The following CNNM2 variants were observed in gnomAD, a reference collection of about 807,000 sequenced individuals.
CNNM2 encodes cyclin and CBS domain divalent metal cation transport mediator 2.
CNNM2 carries 12 observed loss-of-function variants against 66.9 expected under a neutral mutation model. The ratio of observed to expected loss-of-function variants is 0.18; its 90% CI spans 0.11 to 0.29. The LOEUF (loss-of-function observed/expected upper bound fraction) is 0.29. Among genes scored for constraint, CNNM2 ranks in the 10% least tolerant of loss-of-function variants. The pLI, the probability that CNNM2 is intolerant of heterozygous loss-of-function variation, is 1.00. For missense variants in CNNM2, 705 were observed against 1,167.7 expected, an observed-to-expected ratio of 0.60 and a Z score of 5.77; for synonymous variants, 557 against 501.8, an observed-to-expected ratio of 1.11 and a Z score of -1.47.
rs748317260 is a variant in CNNM2, at chr10:103,056,747, TTC to T, written c.1904-40_1904-39del. The T allele has an allele frequency of 2.6e-6, 4 of 1,538,544 alleles. No individual in the cohort carries two copies. Among genetic ancestry groups the T allele is most frequent in the Non-Finnish European group, 3.6e-6 (4 of 1,116,372 alleles). ...TCAATTACTATTAATAGTATAATTT[TTC>T]TCTCTCTGTTTGAAATGTAATATCA... On this transcript the variant is annotated intron_variant, in intron 3 of 7. Coordinates refer to ENST00000369878, the MANE Select transcript of CNNM2 (RefSeq NM_017649.5).
rs751671335 is a variant in CNNM2 at position 103,056,982 on chromosome 10, A to T, written c.2073+18A>T. ...TTCTGCAGGTCAGAAGAATTATTCA[A>T]TAGTGGTTTGCTCTCACTGAGTATC... is the stretch of plus-strand genomic sequence containing the variant. On this transcript the variant is annotated intron_variant, in intron 4 of 7. Transcript: ENST00000369878. The T allele has an allele frequency of 3.1e-6, 5 of 1,602,784 alleles. No individual in the cohort carries two copies. The South Asian group carries it at 5.6e-5, about 18-fold the overall frequency.
intron 4 of CNNM2, among the ~76,000 whole-genome samples, chr10:103,066,190 C>A (rs912354424): frequency 6.6e-6 from 1 of 151,962 alleles, no homozygotes; most frequent in African/African-American, 2.4e-5. Context: ...CCTTTTCAGG[C>A]TCTGCCATGG....
chr10:102,938,677 A>T (rs1846327910), intron 1 of CNNM2, among the ~76,000 whole-genome samples: 1 of 151,744 alleles, frequency 6.6e-6, no homozygotes, highest in South Asian at 2.1e-4. Context: ...CCAACTTTCT[A>T]AAAAAATTAA....
intron 1 of CNNM2, among the ~76,000 whole-genome samples, chr10:102,943,832 A>T (rs527435703): frequency 1.3e-5 from 2 of 152,282 alleles, no homozygotes; most frequent in South Asian, 4.1e-4. Flanking sequence ...TCTGTAGTTA[A>T]CACACCTCTG....
At chr10:102,920,206 G>A (rs1845570229) in intron 1 of CNNM2, 105 bp downstream of exon 1, 1 of 1,606,540 alleles carries the variant, frequency 6.2e-7, no homozygotes, top group African/African-American at 1.3e-5. Flanking sequence ...GAGTTGACCG[G>A]GATTTCTCCT....
Position 103,007,503 on chromosome 10 carries a change from G to A in CNNM2, c.1622-42204G>A, listed in dbSNP as rs1385363307. Among the ~76,000 whole-genome samples, 3 of 152,022 alleles carry A rather than the reference G, an allele frequency of 2.0e-5. No individual in the cohort carries two copies. In the East Asian group the frequency reaches 5.8e-4, roughly 29 times the overall value. On this transcript the variant is annotated intron_variant, in intron 1 of 7. Transcript: ENST00000369878. ...CACGTAAGACAGACACTCCCAGAGCGGCCATTTATAGACCTCCCCCCAGGA... is the reference window on the plus strand; with the variant it reads ...CACGTAAGACAGACACTCCCAGAGCAGCCATTTATAGACCTCCCCCCAGGA...
chr10:103,072,718 A>G (rs547167916), intron 6 of CNNM2, among the ~76,000 whole-genome samples: 1 of 152,366 alleles, frequency 6.6e-6, no homozygotes, highest in South Asian at 2.1e-4. Context: ...TTGGTAACAC[A>G]ATTTTCCTAT....
At chr10:102,936,031 G>A (rs773260115) in intron 1 of CNNM2, among the ~76,000 whole-genome samples, 201 of 151,538 alleles carry the variant, frequency 1.3e-3, no homozygotes, top group Non-Finnish European at 2.0e-3. Flanking sequence ...TGCTGTGGGG[G>A]TAGGGGGCTG....
At chr10:103,011,192 TG>T (rs1373232667) in intron 1 of CNNM2, among the ~76,000 whole-genome samples, 1 of 152,144 alleles carries the variant, frequency 6.6e-6, no homozygotes, top group Non-Finnish European at 1.5e-5. Context: ...CAGTGGCTCA[TG>T]CCTGTAATCT....
intron 1 of CNNM2, among the ~76,000 whole-genome samples, chr10:102,928,733 C>T (rs1211325147): frequency 6.6e-6 from 1 of 152,184 alleles, no homozygotes; most frequent in Non-Finnish European, 1.5e-5. Flanking sequence ...AGCTAGTTCC[C>T]TCCAGCACTT....
At chr10:102,975,018 G>A (rs2063604347) in intron 1 of CNNM2, among the ~76,000 whole-genome samples, 1 of 152,186 alleles carries the variant, frequency 6.6e-6, no homozygotes, top group Non-Finnish European at 1.5e-5. Flanking sequence ...AAAGGAAGAG[G>A]ATTTGTACCT....
At chr10:103,027,314 A>G (rs1300444302) in intron 1 of CNNM2, 2 of 152,212 alleles carry the variant, frequency 1.3e-5, no homozygotes, top group Non-Finnish European at 2.9e-5. Flanking sequence ...TTAGTTCTCT[A>G]TTCTAGAGCT....
chr10:102,943,665 C>G lies in CNNM2; in HGVS notation c.1621+23564C>G, dbSNP rs765398594. Among the ~76,000 whole-genome samples, 79 of 152,282 alleles carry G rather than the reference C, an allele frequency of 5.2e-4. 1 individual carries two copies. Among genetic ancestry groups the G allele is most frequent in the African/African-American group, 1.6e-3 (68 of 41,562 alleles). The stretch of plus-strand genomic sequence containing the variant: ...CCAGAGCCTTCCAGAGTTTGTAGAG[C>G]TCTTCATACTCTGGCTCTAGCCCTT... On this transcript the variant is annotated intron_variant, in intron 1 of 7. Transcript: ENST00000369878.
At chr10:102,923,659 G>A (rs1845740165) in intron 1 of CNNM2, among the ~76,000 whole-genome samples, 1 of 152,180 alleles carries the variant, frequency 6.6e-6, no homozygotes, top group Admixed American at 6.5e-5. Context: ...CTTCTGTGGT[G>A]TTGTGCATAA....
chr10:103,084,659 C>G lies in CNNM2; in HGVS notation c.*7479C>G, dbSNP rs140117986. The stretch of plus-strand genomic sequence containing the variant: ...AGATGAGATTTGCCTAAAACTCCCC[C>G]CTGCATCCTCAGAGTGCGCACACAT... On this transcript the variant is annotated 3_prime_UTR_variant, in exon 8 of 8. Coordinates refer to ENST00000369878, the MANE Select transcript of CNNM2 (RefSeq NM_017649.5). 6.6e-5 allele frequency: 10 copies of G among 152,300 alleles called. No homozygotes were observed. Among genetic ancestry groups the G allele is most frequent in the Admixed American group, 6.5e-4 (10 of 15,304 alleles). The allele number at this position is 152,300 out of a possible 1,614,324, so 9.4% of individuals were successfully genotyped here.
At chr10:103,074,101 A>G (rs1025772917) in intron 6 of CNNM2, among the ~76,000 whole-genome samples, 7 of 151,964 alleles carry the variant, frequency 4.6e-5, no homozygotes, top group African/African-American at 1.7e-4. Flanking sequence ...CAGCTTAGTC[A>G]ACACGGTGAA....
chr10:103,037,595 TAGAG>T (rs534299332), intron 1 of CNNM2, among the ~76,000 whole-genome samples: 199 of 152,296 alleles, frequency 1.3e-3, no homozygotes, highest in African/African-American at 4.5e-3. Context: ...AATGATGACT[TAGAG>T]AAGATAGATA....
chr10:102,961,037 C>T (rs2063371468), intron 1 of CNNM2, among the ~76,000 whole-genome samples: 1 of 151,946 alleles, frequency 6.6e-6, no homozygotes, highest in Admixed American at 6.6e-5. Flanking sequence ...ACCACCACAC[C>T]TAGCTAATTT....
chr10:103,049,523 G>A (rs1212502209), intron 1 of CNNM2, among the ~76,000 whole-genome samples, 184 bp from the exon 2 acceptor site: 1 of 152,140 alleles, frequency 6.6e-6, no homozygotes, highest in East Asian at 1.9e-4. Context: ...GTAACTTTCT[G>A]CCTTTTAATG....
Sources: allele counts gnomAD v4.1 joint callset (sites outside exome capture counted in the v4.1 genomes callset), GRCh38; gene constraint gnomAD v4.1.1; transcripts MANE v1.5; gene names NCBI Gene and HGNC (gene_info 2026-07-23, HGNC 2026-07-21).